PIK3AP1: variants seen among roughly 807,000 people sequenced by gnomAD.
PIK3AP1 encodes the protein phosphoinositide 3-kinase adapter protein 1.
Under a neutral mutation model 88.1 loss-of-function variants are expected in PIK3AP1, and 21 were observed. The observed-to-expected ratio is 0.24, with a 90% CI of 0.17 to 0.34. PIK3AP1 has a LOEUF of 0.34. Among genes scored for constraint, PIK3AP1 ranks in the 10% least tolerant of loss-of-function variants. The probability of loss-of-function intolerance (pLI) is 1.00; values close to 1 mark genes in which losing one functional copy is unlikely to be tolerated. For missense variants in PIK3AP1, 828 were observed against 1,035.7 expected (o/e 0.80, Z 2.75); for synonymous variants, 398 against 400.0 (o/e 1.00, Z 0.06).
In PIK3AP1 at chr10:96,694,242, G is replaced by T. The variant is rs184396751; in HGVS notation, c.430+15325C>A. 2.4e-3 allele frequency among the ~76,000 whole-genome samples: 359 copies of T among 152,262 alleles called. 5 individuals carry two copies. The highest frequency in any genetic ancestry group is 3.4e-4 in the Non-Finnish European group (23 of 68,016). Reference sequence around the variant, plus strand: ...TGCTAGGACACATAAACTTCACAATGGCAGGGGGTGCATCTGACTTTTTCA... The same window carrying T: ...TGCTAGGACACATAAACTTCACAATTGCAGGGGGTGCATCTGACTTTTTCA... On this transcript the variant is annotated intron_variant, in intron 2 of 16. Transcript: ENST00000339364.
intron 2 of PIK3AP1, among the ~76,000 whole-genome samples, chr10:96,694,508 C>T (rs1363707283): frequency 6.7e-6 from 1 of 150,116 alleles, no homozygotes; most frequent in South Asian, 2.2e-4. Context: ...CTTCCCCTCC[C>T]CTTCGCTTCC....
intron 2 of PIK3AP1, among the ~76,000 whole-genome samples, chr10:96,661,217 T>C (rs560842316): frequency 6.6e-6 from 1 of 150,418 alleles, no homozygotes; most frequent in South Asian, 2.1e-4. Context: ...GAAAACACAC[T>C]GTAGGATTCC....
At chr10:96,625,052 G>A (rs1216280833) in intron 10 of PIK3AP1, among the ~76,000 whole-genome samples, 1 of 152,188 alleles carries the variant, frequency 6.6e-6, no homozygotes, top group Admixed American at 6.5e-5. Flanking sequence ...CGGGGAAGCG[G>A]ATGGTGCAAT....
At chr10:96,700,604 G>A (rs1480172644) in intron 2 of PIK3AP1, among the ~76,000 whole-genome samples, 1 of 152,170 alleles carries the variant, frequency 6.6e-6, no homozygotes, top group Non-Finnish European at 1.5e-5. Flanking sequence ...CTTCAGCAGG[G>A]GGTATTTAAG....
At chr10:96,698,082 G>A (rs1207447968) in intron 2 of PIK3AP1, among the ~76,000 whole-genome samples, 3 of 152,160 alleles carry the variant, frequency 2.0e-5, no homozygotes, top group Non-Finnish European at 4.4e-5. Context: ...CTGGGCCCAA[G>A]GCCAAACATT....
Position 96,666,467 on chromosome 10 carries a change from C to T in PIK3AP1, c.431-9533G>A, listed in dbSNP as rs143782861. Among the ~76,000 whole-genome samples the T allele has an allele frequency of 6.7e-4, 102 of 152,018 alleles. No individual in the cohort carries two copies. The East Asian group carries it at 0.017, about 25-fold the overall frequency. On this transcript the variant is annotated intron_variant, in intron 2 of 16. Coordinates refer to ENST00000339364, the MANE Select transcript of PIK3AP1 (RefSeq NM_152309.3). ...TTAAATATGTCTATGCATATTTAAA[C>T]AACATCAAAATCATTAATTAGTCGA...
rs530940644 is a variant in PIK3AP1 at position 96,616,924 on chromosome 10, C to A, written c.1942-213G>T. Among the ~76,000 whole-genome samples the A allele has an allele frequency of 2.6e-5, 4 of 152,300 alleles. No homozygotes were observed. In the South Asian group the frequency reaches 8.3e-4, roughly 32 times the overall value. ...GCCTGAAGAGAAGACATCTCTTCCA[C>A]AAGAAAGTGTCTTTCCTCCCCTCTG... On this transcript the variant is annotated intron_variant, in intron 12 of 16. Transcript: ENST00000339364.
intron 2 of PIK3AP1, among the ~76,000 whole-genome samples, chr10:96,679,733 G>T (rs901281689): frequency 6.6e-6 from 1 of 152,096 alleles, no homozygotes; most frequent in South Asian, 2.1e-4. Flanking sequence ...CAGCACCAAG[G>T]TCCCAGGTTC....
At chr10:96,656,023 C>G (rs984515096) in intron 3 of PIK3AP1, among the ~76,000 whole-genome samples, 1 of 152,248 alleles carries the variant, frequency 6.6e-6, no homozygotes, top group African/African-American at 2.4e-5. Context: ...AAACCACCCA[C>G]AAGGGTGAGG....
rs117156060 is a variant in PIK3AP1 at position 96,604,796 on chromosome 10, C to T, written c.2171-747G>A. 7.7e-4 allele frequency among the ~76,000 whole-genome samples: 117 copies of T among 152,318 alleles called. 3 individuals carry two copies. The East Asian group carries it at 0.018, about 24-fold the overall frequency. On this transcript the variant is annotated intron_variant, in intron 14 of 16. Transcript: ENST00000339364. ...CAGGTATGTATCACCCATGCAGACACGCCTTGTAATAAGGGGCCGGACCCT... is the reference window on the plus strand; with the variant it reads ...CAGGTATGTATCACCCATGCAGACATGCCTTGTAATAAGGGGCCGGACCCT...
chr10:96,625,855 C>T (rs1843148458), intron 10 of PIK3AP1, among the ~76,000 whole-genome samples: 1 of 152,132 alleles, frequency 6.6e-6, no homozygotes, highest in Non-Finnish European at 1.5e-5. Context: ...CTCAAGCAAT[C>T]CTTCCACCTC....
chr10:96,718,325 T>G (rs910864146), intron 1 of PIK3AP1, among the ~76,000 whole-genome samples: 6 of 152,228 alleles, frequency 3.9e-5, no homozygotes, highest in African/African-American at 1.4e-4. Flanking sequence ...ATAAAGCTGC[T>G]TTTAAAAGAA....
At chr10:96,631,376 TGA>T (rs574906494) in intron 8 of PIK3AP1, among the ~76,000 whole-genome samples, 67 of 152,194 alleles carry the variant, frequency 4.4e-4, no homozygotes, top group African/African-American at 1.6e-3. Flanking sequence ...ACGTTCAATT[TGA>T]GAGAGTTGAT....
chr10:96,717,151 G>A (rs1448941742), intron 1 of PIK3AP1, among the ~76,000 whole-genome samples: 5 of 151,722 alleles, frequency 3.3e-5, no homozygotes, highest in Non-Finnish European at 5.9e-5. Context: ...CCAGCTACTC[G>A]GGAGGCTGAG....
At chr10:96,712,455 A>T (rs532139918) in intron 1 of PIK3AP1, among the ~76,000 whole-genome samples, 1 of 152,234 alleles carries the variant, frequency 6.6e-6, no homozygotes, top group South Asian at 2.1e-4. Context: ...GCAGCCTGCC[A>T]TAAAAATAAA....
In PIK3AP1 at chr10:96,709,887, A is replaced by C. The variant is rs1589551069; in HGVS notation, c.110T>G (p.Val37Gly). 1 of 1,613,602 alleles carries C rather than the reference A, an allele frequency of 6.2e-7. No homozygotes were observed. The change falls in exon 2 of 17, where the codon GTC becomes GGC. Residue 37 changes from valine to glycine, a missense_variant. Val to Gly is a moderately radical substitution (Grantham distance 109). Transcript: ENST00000339364. ...LQTLFLSSRQ[V>G]RSQKILTHRL... ...GTGAGTCAGTATCTTCTGGCTGCGG[A>C]CCTGCCGACTGGACAGGAACAGGGT...
At position 96,648,968 on chromosome 10, in the gene PIK3AP1, A is replaced by C. The variant is rs775512197; in HGVS notation, c.989-113T>G. 7.1e-6 allele frequency: 6 copies of C among 841,464 alleles called. No individual in the cohort carries two copies. In the African/African-American group the frequency reaches 8.9e-5, roughly 12 times the overall value. The allele number at this position is 841,464 out of a possible 1,614,324, so 52.1% of individuals were successfully genotyped here. On this transcript the variant is annotated intron_variant, in intron 6 of 16. Transcript: ENST00000339364. ...GCATGGCAACAGAAAGCACTCAGCC[A>C]TTACTTATTGATTGACTGACCTAAC...
chr10:96,708,355 A>G (rs910069035), intron 2 of PIK3AP1, among the ~76,000 whole-genome samples: 4 of 152,072 alleles, frequency 2.6e-5, no homozygotes, highest in African/African-American at 4.8e-5. Flanking sequence ...CAGGTGGATC[A>G]CCTGAGGTCA....
intron 8 of PIK3AP1, among the ~76,000 whole-genome samples, chr10:96,643,587 C>T (rs1483945123): frequency 2.0e-5 from 3 of 152,182 alleles, no homozygotes; most frequent in East Asian, 1.9e-4. Context: ...GCTTTTATTG[C>T]TCTTTCCCCT....
Sources: gnomAD v4.1 joint callset for allele counts (sites outside exome capture counted in the v4.1 genomes callset) on GRCh38, gnomAD v4.1.1 for gene constraint, MANE v1.5 for transcripts, NCBI Gene and HGNC (gene_info 2026-07-23, HGNC 2026-07-21) for gene names.